Variants in LMNA observed in about 807,000 individuals in gnomAD.
The protein encoded by LMNA is lamin A/C, also known as lamin.
Under a neutral mutation model 70.4 loss-of-function variants are expected in LMNA, and 20 were observed. The ratio of observed to expected loss-of-function variants is 0.28; its 90% confidence interval spans 0.20 to 0.41. The LOEUF (loss-of-function observed/expected upper bound fraction) is 0.41, where lower values mean the gene tolerates loss of function less well. LMNA is among the 10% of genes least tolerant of loss of function. LMNA has a pLI of 1.00. For synonymous variants in LMNA, 339 were observed against 372.8 expected (o/e 0.91, Z 1.04); for missense variants, 652 against 917.2 (o/e 0.71, Z 3.73).
Position 156,137,857 on chromosome 1 carries a change from T to C in LMNA, c.1698+114T>C. 2.6e-6 allele frequency: 4 copies of C among 1,532,218 alleles called. No homozygotes were observed. Among genetic ancestry groups the C allele is most frequent in the Non-Finnish European group, 3.5e-6 (4 of 1,143,192 alleles). 94.9% of individuals were successfully genotyped at this position (1,532,218 alleles called of 1,614,324 possible). On this transcript the variant is annotated intron_variant, in intron 10 of 11. Transcript: ENST00000368300. This position sits in a 1 kb window ranked among gnomAD's most constrained non-coding sequence, Gnocchi z 4.6. ...AAAATCTTTTCATTAAAGAATGTTT[T>C]GGAACTTTACTCGCTGGCCTGGCCT...
intron 1 of LMNA, among the ~76,000 whole-genome samples, chr1:156,128,408 C>G (rs1650773624): frequency 6.6e-6 from 1 of 152,210 alleles, no homozygotes; most frequent in Non-Finnish European, 1.5e-5. Flanking sequence ...CCAGGGGGAA[C>G]TCCAGGAATT....
At chr1:156,088,215 T>G (rs1306080018) in intron 2 of LMNA, among the ~76,000 whole-genome samples, 2 of 152,178 alleles carry the variant, frequency 1.3e-5, no homozygotes, top group Non-Finnish European at 2.9e-5. Context: ...AAGTCTGTGT[T>G]GCTATCTAAC....
At chr1:156,118,823 T>C (rs1028318530) in intron 1 of LMNA, among the ~76,000 whole-genome samples, 2 of 152,164 alleles carry the variant, frequency 1.3e-5, no homozygotes, top group African/African-American at 2.4e-5. Context: ...TGGAAAGTTG[T>C]TTTTAAGACC....
In LMNA at chr1:156,135,010, G is replaced by C; in HGVS notation, c.810+35G>C. The C allele has an allele frequency of 1.2e-6, 2 of 1,613,634 alleles. No homozygotes were observed. Among genetic ancestry groups the C allele is most frequent in the Non-Finnish European group, 1.7e-6 (2 of 1,179,796 alleles). ...CTCGATTGGTTCCCTCACTGCCTCT[G>C]CCCTTGGCAGCCCTACCCTTACCCA... On this transcript the variant is annotated intron_variant, in intron 4 of 11. Transcript: ENST00000368300. This position sits in a 1 kb window ranked among gnomAD's most constrained non-coding sequence, Gnocchi z 4.8.
intron 2 of LMNA, among the ~76,000 whole-genome samples, chr1:156,090,014 G>T (rs943389260): frequency 6.6e-6 from 1 of 152,094 alleles, no homozygotes; most frequent in Admixed American, 6.5e-5. Context: ...AGGGGGAGGG[G>T]CACCTGGTGC....
Position 156,136,379 on chromosome 1 carries a change from C to A in LMNA, c.1323C>A (p.Ala441=), listed in dbSNP as rs140194535. ...ACGCACGCACTAGCGGGCGCGTGGC[C>A]GTGGAGGAGGTGGATGAGGAGGGCA... ...SQHARTSGRV[A]VEEVDEEGKF... Residue 441 remains alanine (A), a synonymous_variant, in exon 7 of 12, where the codon GCC becomes GCA. Transcript: ENST00000368300. This position sits in a 1 kb window ranked among gnomAD's most constrained non-coding sequence, Gnocchi z 6.1. 1.2e-6 allele frequency: 2 copies of A among 1,611,356 alleles called. No individual in the cohort carries two copies. Among genetic ancestry groups the A allele is most frequent in the African/African-American group, 1.3e-5 (1 of 74,848 alleles).
chr1:156,086,666 A>G (rs1294824568), intron 2 of LMNA, among the ~76,000 whole-genome samples: 1 of 152,070 alleles, frequency 6.6e-6, no homozygotes, highest in East Asian at 1.9e-4. Flanking sequence ...TTTGAGACAG[A>G]GTCTCGCTCT....
At chr1:156,092,360 G>A (rs1648739773) in intron 3 of LMNA, among the ~76,000 whole-genome samples, 1 of 151,926 alleles carries the variant, frequency 6.6e-6, no homozygotes, top group Non-Finnish European at 1.5e-5. Context: ...TTGGGTGACA[G>A]AGCGAGATCC....
intron 1 of LMNA, chr1:156,126,610 C>A: frequency 1.0e-6 from 1 of 981,434 alleles, no homozygotes; most frequent in East Asian, 2.5e-5. Context: ...TTCCTTGTCC[C>A]ACCAGGCACA....
chr1:156,085,416 G>C (rs1290368074), intron 2 of LMNA, among the ~76,000 whole-genome samples: 2 of 152,148 alleles, frequency 1.3e-5, no homozygotes, highest in Non-Finnish European at 2.9e-5. Flanking sequence ...CCAGAATTAT[G>C]GCAATGAGAG....
At chr1:156,116,067 C>T (rs1375435076) in intron 1 of LMNA, among the ~76,000 whole-genome samples, 1 of 152,228 alleles carries the variant, frequency 6.6e-6, no homozygotes, top group Admixed American at 6.5e-5. Context: ...CAGAGGCTCC[C>T]AGCTCAGGAA....
intron 2 of LMNA, among the ~76,000 whole-genome samples, chr1:156,088,174 C>CT (rs1344911467): frequency 6.6e-6 from 1 of 152,012 alleles, no homozygotes; most frequent in African/African-American, 2.4e-5. Context: ...CGGCCCCAGC[C>CT]TTTTTTTCCT....
rs542083065 is a variant in LMNA, at chr1:156,123,835, T to C, written c.357-6782T>C. Among the ~76,000 whole-genome samples the C allele has an allele frequency of 2.8e-3, 428 of 152,304 alleles. 4 individuals carry two copies. Among genetic ancestry groups the C allele is most frequent in the African/African-American group, 9.9e-3 (413 of 41,574 alleles). On this transcript the variant is annotated intron_variant, in intron 1 of 11. Coordinates refer to ENST00000368300, the MANE Select transcript of LMNA (RefSeq NM_170707.4). ...TCTCCTGCCTCTGTACAATGCCACG[T>C]TGATACGCCCAGCAGCTGTGACTCA...
intron 1 of LMNA, among the ~76,000 whole-genome samples, chr1:156,116,093 G>A (rs1649808620): frequency 6.6e-6 from 1 of 152,220 alleles, no homozygotes; most frequent in African/African-American, 2.4e-5. Flanking sequence ...GTTATGCCCA[G>A]GTCTGGCCGC....
chr1:156,101,237 C>T (rs1649129664), intron 3 of LMNA, among the ~76,000 whole-genome samples: 1 of 152,080 alleles, frequency 6.6e-6, no homozygotes, highest in South Asian at 2.1e-4. Flanking sequence ...CCTATAATCC[C>T]AACACTTTTA....
chr1:156,118,681 GGTAGA>G (rs749098748), intron 1 of LMNA, among the ~76,000 whole-genome samples: 2 of 152,108 alleles, frequency 1.3e-5, no homozygotes, highest in African/African-American at 2.4e-5. Flanking sequence ...TAGAGAAGTG[GGTAGA>G]GTAAAGAATT....
At chr1:156,088,878 T>A (rs1009536457) in intron 2 of LMNA, among the ~76,000 whole-genome samples, 4 of 152,228 alleles carry the variant, frequency 2.6e-5, no homozygotes, top group Non-Finnish European at 4.4e-5. Flanking sequence ...GGTCTCAATC[T>A]CCTGACCTCA....
chr1:156,112,169 C>G (rs1020599700), upstream of LMNA, among the ~76,000 whole-genome samples: 1 of 152,056 alleles, frequency 6.6e-6, no homozygotes, highest in South Asian at 2.1e-4. Flanking sequence ...ATAATCCCAG[C>G]GCTTTGGAAG....
chr1:156,127,686 ATTT>A (rs34481489), intron 1 of LMNA, among the ~76,000 whole-genome samples: 14 of 125,774 alleles, frequency 1.1e-4, no homozygotes, highest in East Asian at 2.3e-4. Context: ...ACCCAGCTAA[ATTT>A]TTTTTTTTTT....
Sources: allele counts gnomAD v4.1 joint callset (sites outside exome capture counted in the v4.1 genomes callset), GRCh38; gene constraint gnomAD v4.1.1; non-coding constraint Gnocchi (gnomAD v3.1); transcripts MANE v1.5; gene names NCBI Gene and HGNC (gene_info 2026-07-23, HGNC 2026-07-21).